The following KIRREL3 variants were observed in gnomAD, a reference collection of about 807,000 sequenced individuals.
The protein encoded by KIRREL3 is kin of IRRE-like protein 3.
KIRREL3 carries 36 observed loss-of-function variants against 89.7 expected under a neutral mutation model. The observed-to-expected ratio is 0.40, with a 90% confidence interval of 0.31 to 0.53. The LOEUF is 0.53. Ranked by LOEUF, KIRREL3 falls within the 20% of genes least tolerant of loss-of-function variation. The pLI, the probability that KIRREL3 is intolerant of heterozygous loss-of-function variation, is 0.49. For synonymous variants in KIRREL3, 445 were observed against 441.4 expected (o/e 1.01, Z -0.10); for missense variants, 864 against 1,056.6 (o/e 0.82, Z 2.53).
rs184969761 is a variant in KIRREL3, at chr11:126,694,569, G to T, written c.56-131657C>A. 2.0e-3 allele frequency among the ~76,000 whole-genome samples: 300 copies of T among 152,278 alleles called. 1 individual carries two copies. The highest frequency in any genetic ancestry group is 2.9e-3 in the Non-Finnish European group (197 of 68,030). On this transcript the variant is annotated intron_variant, in intron 1 of 16. Transcript: ENST00000525144. The surrounding 1 kb of genome is among the most constrained non-coding windows in gnomAD (Gnocchi z 4.4). ...GGGCAGGTTTGGGGGTGCTGACTAG[G>T]CCTTCACACAAAGAGGAATCTGCTC...
chr11:126,915,220 C>T (rs185347503), intron 1 of KIRREL3, among the ~76,000 whole-genome samples: 12 of 152,304 alleles, frequency 7.9e-5, no homozygotes, highest in Non-Finnish European at 7.4e-5. Flanking sequence ...CAGTATGTTT[C>T]TGATTCCTTT....
Position 126,764,526 on chromosome 11 carries a change from G to C in KIRREL3, c.56-201614C>G, listed in dbSNP as rs1462430163. Among the ~76,000 whole-genome samples, 1 of 152,078 alleles carries C rather than the reference G, an allele frequency of 6.6e-6. No homozygotes were observed. Among genetic ancestry groups the C allele is most frequent in the East Asian group, 1.9e-4 (1 of 5,196 alleles). On this transcript the variant is annotated intron_variant, in intron 1 of 16. Coordinates refer to ENST00000525144, the MANE Select transcript of KIRREL3 (RefSeq NM_032531.4). This position sits in a 1 kb window ranked among gnomAD's most constrained non-coding sequence, Gnocchi z 4.2. ...CCTCTGATGCTCAACAACCTTCTTT[G>C]CTGCACCCGCCGCTGCCTCATGAGG... is the stretch of plus-strand genomic sequence containing the variant.
chr11:126,880,505 T>C (rs1490599022), intron 1 of KIRREL3, among the ~76,000 whole-genome samples: 2 of 152,212 alleles, frequency 1.3e-5, no homozygotes, highest in Non-Finnish European at 2.9e-5. Context: ...GCATTTCAGC[T>C]CAAGTCACTT....
rs1490388702 is a variant in KIRREL3 at position 126,812,049 on chromosome 11, G to A, written c.55+188406C>T. The stretch of plus-strand genomic sequence containing the variant: ...ATATGAGCAGGTTAAGGCACTTTTC[G>A]GGATTAGAGAATCTTCAAACTCAAT... On this transcript the variant is annotated intron_variant, in intron 1 of 16. Coordinates refer to ENST00000525144, the MANE Select transcript of KIRREL3 (RefSeq NM_032531.4). This position sits in a 1 kb window ranked among gnomAD's most constrained non-coding sequence, Gnocchi z 5.2. Among the ~76,000 whole-genome samples the A allele has an allele frequency of 6.6e-6, 1 of 152,084 alleles. No homozygotes were observed. Among genetic ancestry groups the A allele is most frequent in the Non-Finnish European group, 1.5e-5 (1 of 68,032 alleles).
At position 126,513,082 on chromosome 11, in the gene KIRREL3, C is replaced by A. The variant is rs1958278160; in HGVS notation, c.433+8233G>T. On this transcript the variant is annotated intron_variant, in intron 4 of 16. Coordinates refer to ENST00000525144, the MANE Select transcript of KIRREL3 (RefSeq NM_032531.4). This position sits in a 1 kb window ranked among gnomAD's most constrained non-coding sequence, Gnocchi z 5.9. Reference sequence around the variant, plus strand: ...GCCCTGGGGATGGTGGTGACACACTCCAGAACTTCCCAGGGCTGCCCTGAA... The same window carrying A: ...GCCCTGGGGATGGTGGTGACACACTACAGAACTTCCCAGGGCTGCCCTGAA... Among the ~76,000 whole-genome samples, 1 of 152,044 alleles carries A rather than the reference C, an allele frequency of 6.6e-6. No individual in the cohort carries two copies. The highest frequency in any genetic ancestry group is 1.5e-5 in the Non-Finnish European group (1 of 68,004).
At position 126,484,813 on chromosome 11, in the gene KIRREL3, ATT is replaced by A. The variant is rs200054144; in HGVS notation, c.434-11349_434-11348del. Among the ~76,000 whole-genome samples, 52 of 139,686 alleles carry A rather than the reference ATT, an allele frequency of 3.7e-4. 1 individual carries two copies. The highest frequency in any genetic ancestry group is 1.6e-3 in the South Asian group (7 of 4,398). 91.6% of individuals were successfully genotyped at this position (139,686 alleles called of 152,430 possible). On this transcript the variant is annotated intron_variant, in intron 4 of 16. Coordinates refer to ENST00000525144, the MANE Select transcript of KIRREL3 (RefSeq NM_032531.4). This position sits in a 1 kb window ranked among gnomAD's most constrained non-coding sequence, Gnocchi z 5.2. ...AGATGTGGGGCAAGATGCAAATGGG[ATT>A]TTTTTTTTTTTTTTTCTGAGACGGA... is the stretch of plus-strand genomic sequence containing the variant.
rs1359035390 is a variant in KIRREL3, at chr11:126,969,882, G to A, written c.55+30573C>T. Reference sequence around the variant, plus strand: ...CTGCATGGAAATGCAAAATGCTGGAGTCCAAACACATTCATAAAATAATTT... The same window carrying A: ...CTGCATGGAAATGCAAAATGCTGGAATCCAAACACATTCATAAAATAATTT... On this transcript the variant is annotated intron_variant, in intron 1 of 16. Transcript: ENST00000525144. This position sits in a 1 kb window ranked among gnomAD's most constrained non-coding sequence, Gnocchi z 4.9. 6.6e-6 allele frequency among the ~76,000 whole-genome samples: 1 copy of A among 152,166 alleles called. No individual in the cohort carries two copies. Among genetic ancestry groups the A allele is most frequent in the African/African-American group, 2.4e-5 (1 of 41,430 alleles).
At chr11:126,547,111 G>A (rs1166659029) in intron 2 of KIRREL3, among the ~76,000 whole-genome samples, 1 of 152,196 alleles carries the variant, frequency 6.6e-6, no homozygotes, top group South Asian at 2.1e-4. Context: ...GTCCCCACAA[G>A]GCAGGTATGA....
chr11:126,804,958 G>A (rs568454688), intron 1 of KIRREL3, among the ~76,000 whole-genome samples: 7 of 152,174 alleles, frequency 4.6e-5, no homozygotes, highest in South Asian at 2.1e-4. Flanking sequence ...GGATGAGGTC[G>A]GCTCCACAAT....
Position 126,908,714 on chromosome 11 carries a change from T to C in KIRREL3, c.55+91741A>G, listed in dbSNP as rs968152771. On this transcript the variant is annotated intron_variant, in intron 1 of 16. Transcript: ENST00000525144. This position sits in a 1 kb window ranked among gnomAD's most constrained non-coding sequence, Gnocchi z 4.2. ...ACACCAGAAACTGGGGATTCCACAGTAGATTAAATATAATAGTTTCTGCTT... is the reference window on the plus strand; with the variant it reads ...ACACCAGAAACTGGGGATTCCACAGCAGATTAAATATAATAGTTTCTGCTT... 1.3e-5 allele frequency among the ~76,000 whole-genome samples: 2 copies of C among 152,178 alleles called. No homozygotes were observed. The highest frequency in any genetic ancestry group is 1.9e-4 in the East Asian group (1 of 5,194).
In KIRREL3 at chr11:126,796,097, T is replaced by C. The variant is rs1484900859; in HGVS notation, c.55+204358A>G. ...ATGGGACACGTTTTTATCCATGGGG[T>C]CCATGGATCTTATTTTAGTTTTGCT... On this transcript the variant is annotated intron_variant, in intron 1 of 16. Coordinates refer to ENST00000525144, the MANE Select transcript of KIRREL3 (RefSeq NM_032531.4). This position sits in a 1 kb window ranked among gnomAD's most constrained non-coding sequence, Gnocchi z 5.1. Among the ~76,000 whole-genome samples the C allele has an allele frequency of 6.6e-6, 1 of 151,900 alleles. No individual in the cohort carries two copies. The highest frequency in any genetic ancestry group is 1.5e-5 in the Non-Finnish European group (1 of 67,960).
In KIRREL3 at chr11:126,477,139, C is replaced by T. The variant is rs975806389; in HGVS notation, c.434-3673G>A. Among the ~76,000 whole-genome samples, 3 of 152,182 alleles carry T rather than the reference C, an allele frequency of 2.0e-5. No homozygotes were observed. Among genetic ancestry groups the T allele is most frequent in the African/African-American group, 7.2e-5 (3 of 41,444 alleles). ...TAAGAGGCCACAGCGCGGCCTTAGC[C>T]GGGGGTGGCTGAGCGACACTCCTGC... On this transcript the variant is annotated intron_variant, in intron 4 of 16. Coordinates refer to ENST00000525144, the MANE Select transcript of KIRREL3 (RefSeq NM_032531.4). The surrounding 1 kb of genome is among the most constrained non-coding windows in gnomAD (Gnocchi z 4.8).
rs927426440 is a variant in KIRREL3 at position 126,917,274 on chromosome 11, A to G, written c.55+83181T>C. ...AGGCAAATTCATAAAAATAAAAAATAGATTAAAGGTTATCAGGACTGAGAC... is the reference window on the plus strand; with the variant it reads ...AGGCAAATTCATAAAAATAAAAAATGGATTAAAGGTTATCAGGACTGAGAC... On this transcript the variant is annotated intron_variant, in intron 1 of 16. Coordinates refer to ENST00000525144, the MANE Select transcript of KIRREL3 (RefSeq NM_032531.4). This position sits in a 1 kb window ranked among gnomAD's most constrained non-coding sequence, Gnocchi z 5.0. Among the ~76,000 whole-genome samples the G allele has an allele frequency of 2.0e-5, 3 of 152,204 alleles. No homozygotes were observed. The highest frequency in any genetic ancestry group is 7.2e-5 in the African/African-American group (3 of 41,460).
rs1330450181 is a variant in KIRREL3, at chr11:126,890,758, G to A, written c.55+109697C>T. Among the ~76,000 whole-genome samples, 2 of 152,172 alleles carry A rather than the reference G, an allele frequency of 1.3e-5. No homozygotes were observed. Among genetic ancestry groups the A allele is most frequent in the African/African-American group, 4.8e-5 (2 of 41,430 alleles). On this transcript the variant is annotated intron_variant, in intron 1 of 16. Transcript: ENST00000525144. The surrounding 1 kb of genome is among the most constrained non-coding windows in gnomAD (Gnocchi z 5.1). ...TGAGAGAGTAGACGACTGCAAACAT[G>A]AGCGTCCCCCAGTCCCAGCACCACA... is the stretch of plus-strand genomic sequence containing the variant.
chr11:126,526,485 G>A lies in KIRREL3; in HGVS notation c.283+53C>T, dbSNP rs1958757999. 1.3e-6 allele frequency: 2 copies of A among 1,555,290 alleles called. No homozygotes were observed. The highest frequency in any genetic ancestry group is 8.8e-7 in the Non-Finnish European group (1 of 1,137,480). On this transcript the variant is annotated intron_variant, in intron 3 of 16. Transcript: ENST00000525144. This position sits in a 1 kb window ranked among gnomAD's most constrained non-coding sequence, Gnocchi z 5.7. ...GTGCTCCCTAGGAAGGTGGATGGGT[G>A]AGTAAGGAAGTGATGGCCCCAGGCC...
intron 1 of KIRREL3, among the ~76,000 whole-genome samples, chr11:126,659,598 G>T (rs962731302): frequency 1.3e-5 from 2 of 152,148 alleles, no homozygotes; most frequent in Admixed American, 1.3e-4. Flanking sequence ...AAAAAAGAGT[G>T]GTTTGTGGAG....
rs1307840251 is a variant in KIRREL3, at chr11:126,955,954, T to C, written c.55+44501A>G. On this transcript the variant is annotated intron_variant, in intron 1 of 16. Transcript: ENST00000525144. This position sits in a 1 kb window ranked among gnomAD's most constrained non-coding sequence, Gnocchi z 4.6. ...TTGAATTACACAACAAAATGCAAAA[T>C]GTTAAACGTTCTATGAAAAAAGGGA... 6.6e-6 allele frequency among the ~76,000 whole-genome samples: 1 copy of C among 152,156 alleles called. No homozygotes were observed. The highest frequency in any genetic ancestry group is 1.5e-5 in the Non-Finnish European group (1 of 68,022).
intron 1 of KIRREL3, among the ~76,000 whole-genome samples, chr11:126,874,130 C>CCT (rs767486329): frequency 3.9e-5 from 6 of 152,202 alleles, no homozygotes; most frequent in Non-Finnish European, 7.3e-5. Context: ...ATTTGCCAAG[C>CCT]CTTCATTGCT....
At chr11:126,848,647 A>G (rs1295551317) in intron 1 of KIRREL3, among the ~76,000 whole-genome samples, 2 of 152,220 alleles carry the variant, frequency 1.3e-5, no homozygotes, top group Non-Finnish European at 2.9e-5. Context: ...AATTTAGTTT[A>G]CATGGGATAA....
Sources: gnomAD v4.1 joint callset for allele counts (sites outside exome capture counted in the v4.1 genomes callset) on GRCh38, gnomAD v4.1.1 for gene constraint, Gnocchi (gnomAD v3.1) non-coding constraint, MANE v1.5 for transcripts, NCBI Gene and HGNC (gene_info 2026-07-23, HGNC 2026-07-21) for gene names.